Variants in AQP12A observed in about 807,000 individuals in gnomAD.
The protein encoded by AQP12A is putative aquaporin-12A.
A neutral mutation model predicts 12.2 loss-of-function variants in AQP12A; 11 were observed. That is an observed-to-expected ratio of 0.90 (90% CI 0.57 to 1.49). AQP12A has a LOEUF of 1.49. Ranked by LOEUF, AQP12A falls within the 40% of genes most tolerant of loss-of-function variation. The probability of loss-of-function intolerance (pLI) is 0.00; values close to 1 mark genes in which losing one functional copy is unlikely to be tolerated. For missense variants in AQP12A, 203 were observed against 260.8 expected, an observed-to-expected ratio of 0.78 and a Z score of 1.53; for synonymous variants, 101 against 127.1, an observed-to-expected ratio of 0.79 and a Z score of 1.38.
At chr2:240,692,557 G>T (rs1268918590) in intron 2 of AQP12A, 36 bp downstream of exon 2, 1 of 1,054,956 alleles carries the variant, frequency 9.5e-7, no homozygotes, top group Admixed American at 2.9e-5. Flanking sequence ...GGCCCCTGAG[G>T]ACCTCTCACC....
intron 2 of AQP12A, among the ~76,000 whole-genome samples, chr2:240,693,509 C>A (rs2044090460): frequency 1.3e-5 from 2 of 151,770 alleles, no homozygotes; most frequent in South Asian, 4.2e-4. Flanking sequence ...CACAGGGCGC[C>A]TGGTCTCAGG....
At position 240,691,929 on chromosome 2, in the gene AQP12A, G is replaced by C. The variant is rs533085451; in HGVS notation, c.16G>C (p.Val6Leu). The change falls in exon 1 of 4, where the codon GTG becomes CTG. Residue 6 changes from valine (V) to leucine (L), a missense_variant. Around this residue, in one of 2 missense-constraint regions of AQP12A, gnomAD observed 191 missense variants for 197.1 expected, o/e 0.97. Coordinates refer to ENST00000337801, the MANE Select transcript of AQP12A (RefSeq NM_198998.3). ...GCCCAGGCCGATGGCAGGTCTTAAC[G>C]TGTCCCTCTCCTTCTTCTTTGCCAC... MAGLNVSLSFFFATFA... is the reference protein window; with the variant it reads MAGLNLSLSFFFATFA... The C allele has an allele frequency of 1.9e-6, 3 of 1,595,700 alleles. No individual in the cohort carries two copies. The highest frequency in any genetic ancestry group is 2.6e-6 in the Non-Finnish European group (3 of 1,174,004).
intron 2 of AQP12A, among the ~76,000 whole-genome samples, chr2:240,693,387 G>A (rs1422755211): frequency 2.0e-5 from 3 of 152,304 alleles, no homozygotes; most frequent in African/African-American, 7.2e-5. Context: ...TGGGGAAACT[G>A]AGGCACGGGT....
rs749917143 is a variant in AQP12A, at chr2:240,692,044, C to G, written c.123+8C>G. On this transcript the variant is annotated splice_region_variant and intron_variant, in intron 1 of 3. Transcript: ENST00000337801. ...GTCTTCGCCCGGGAGGCGGTGGGTG[C>G]GGGTGCAGCTCGGGCCCTGCTGCCT... 13 of 1,566,478 alleles carry G rather than the reference C, an allele frequency of 8.3e-6. No homozygotes were observed. The highest frequency in any genetic ancestry group is 1.1e-5 in the Non-Finnish European group (13 of 1,160,426).
At position 240,691,908 on chromosome 2, in the gene AQP12A, A is replaced by C. The variant is rs775889492; in HGVS notation, c.-6A>C. The C allele has an allele frequency of 4.4e-6, 7 of 1,593,744 alleles. 1 individual carries two copies. The highest frequency in any genetic ancestry group is 6.0e-6 in the Non-Finnish European group (7 of 1,173,014). On this transcript the variant is annotated 5_prime_UTR_variant, in exon 1 of 4. Transcript: ENST00000337801. ...GCAGGCACAGCTCCTCGGGGGGCCC[A>C]GGCCGATGGCAGGTCTTAACGTGTC...
rs779109324 is a variant in AQP12A at position 240,692,234 on chromosome 2, C to A, written c.284C>A (p.Ser95Tyr). The A allele has an allele frequency of 6.3e-7, 1 of 1,579,220 alleles. No individual in the cohort carries two copies. Among genetic ancestry groups the A allele is most frequent in the African/African-American group, 1.4e-5 (1 of 69,512 alleles). Residue 95 changes from serine (S) to tyrosine (Y), a missense_variant, in exon 2 of 4, where the codon TCT (serine) becomes TAT (tyrosine). This residue lies in a region of AQP12A where 191 missense variants were observed against 197.1 expected (regional missense o/e 0.97). Coordinates refer to ENST00000337801, the MANE Select transcript of AQP12A (RefSeq NM_198998.3). Reference sequence around the variant, plus strand: ...CAGGAGTTCCTCATGGCCGAGCAGTCTCTGCCTGGCACGCTGTTGAAGCTG... The same window carrying A: ...CAGGAGTTCCTCATGGCCGAGCAGTATCTGCCTGGCACGCTGTTGAAGCTG... ...SLQEFLMAEQSLPGTLLKLAA... is the reference protein window; with the variant it reads ...SLQEFLMAEQYLPGTLLKLAA...
At position 240,692,019 on chromosome 2, in the gene AQP12A, G is replaced by A. The variant is rs2125520483; in HGVS notation, c.106G>A (p.Val36Ile). 1 of 1,586,302 alleles carries A rather than the reference G, an allele frequency of 6.3e-7. No individual in the cohort carries two copies. Among genetic ancestry groups the A allele is most frequent in the African/African-American group, 1.4e-5 (1 of 71,996 alleles). The stretch of plus-strand genomic sequence containing the variant: ...CCTGCTCCCAGTGGGCGCCTATGAA[G>A]TCTTCGCCCGGGAGGCGGTGGGTGC... Reference protein sequence around the residue: ...KALLPVGAYEVFAREAMRTLV... With the variant: ...KALLPVGAYEIFAREAMRTLV... Residue 36 changes from valine to isoleucine, a missense_variant, in exon 1 of 4, where the codon GTC becomes ATC. By Grantham distance (29) the Val-to-Ile change is conservative. This residue lies in a region of AQP12A where 191 missense variants were observed against 197.1 expected (regional missense o/e 0.97). Coordinates refer to ENST00000337801, the MANE Select transcript of AQP12A (RefSeq NM_198998.3).
rs145149435 is a variant in AQP12A, at chr2:240,692,163, C to T, written c.213C>T (p.His71=). ...LTLLFLLFLA[H]GVTLDGASAN... is the part of the protein sequence containing the mutation. Reference sequence around the variant, plus strand: ...TGCTCTTCCTGCTCTTCCTGGCGCACGGGGTCACCTTGGACGGGGCCTCGG... The same window carrying T: ...TGCTCTTCCTGCTCTTCCTGGCGCATGGGGTCACCTTGGACGGGGCCTCGG... Residue 71 remains histidine, a synonymous_variant, in exon 2 of 4, where the codon CAC becomes CAT. Transcript: ENST00000337801. The T allele has an allele frequency of 1.5e-4, 237 of 1,583,618 alleles. 24 individuals are homozygous for T. The highest frequency in any genetic ancestry group is 3.5e-4 in the Middle Eastern group (2 of 5,686).
Position 240,692,188 on chromosome 2 carries a change from G to T in AQP12A, c.238G>T (p.Ala80Ser), listed in dbSNP as rs771981901. 1 of 1,581,958 alleles carries T rather than the reference G, an allele frequency of 6.3e-7. No individual in the cohort carries two copies. The part of the protein sequence containing the change: ...AHGVTLDGAS[A>S]NPTVSLQEFL... ...CGGGGTCACCTTGGACGGGGCCTCG[G>T]CCAACCCCACTGTGTCCCTGCAGGA... Residue 80 changes from alanine to serine, a missense_variant, in exon 2 of 4, where the codon GCC (alanine) becomes TCC (serine). By Grantham distance (99) the Ala-to-Ser change is moderately conservative. Coordinates refer to ENST00000337801, the MANE Select transcript of AQP12A (RefSeq NM_198998.3).
rs764336038 is a variant in AQP12A, at chr2:240,692,332, C to T, written c.382C>T (p.Leu128=). ...RLCWAWELSD[L]HLLQSLMAQS... The stretch of plus-strand genomic sequence containing the variant: ...CTGCTGGGCCTGGGAGCTCAGTGAC[C>T]TGCACCTGCTGCAGAGCCTCATGGC... The change falls in exon 2 of 4, where the codon CTG becomes TTG. Residue 128 remains leucine (L), a synonymous_variant. Transcript: ENST00000337801. The T allele has an allele frequency of 3.2e-6, 5 of 1,572,880 alleles. No homozygotes were observed. Among genetic ancestry groups the T allele is most frequent in the Non-Finnish European group, 4.3e-6 (5 of 1,165,176 alleles).
rs373028776 is a variant in AQP12A, at chr2:240,691,902, G to A, written c.-12G>A. 487 of 1,592,598 alleles carry A rather than the reference G, an allele frequency of 3.1e-4. 40 individuals carry two copies. Among genetic ancestry groups the A allele is most frequent in the Non-Finnish European group, 3.9e-4 (453 of 1,172,136 alleles). On this transcript the variant is annotated 5_prime_UTR_variant, in exon 1 of 4. Transcript: ENST00000337801. ...TGTCCTGCAGGCACAGCTCCTCGGG[G>A]GGCCCAGGCCGATGGCAGGTCTTAA...
rs4343462 is a variant in AQP12A, at chr2:240,692,251, T to G, written c.301T>G (p.Leu101Val). The stretch of plus-strand genomic sequence containing the variant: ...CGAGCAGTCTCTGCCTGGCACGCTG[T>G]TGAAGCTGGCGGCACAGGGGCTGGG... ...MAEQSLPGTL[L>V]KLAAQGLGMQ... The change falls in exon 2 of 4, where the codon TTG becomes GTG. Residue 101 changes from leucine (L) to valine (V), a missense_variant. This residue lies in a region of AQP12A where 191 missense variants were observed against 197.1 expected (regional missense o/e 0.97). Coordinates refer to ENST00000337801, the MANE Select transcript of AQP12A (RefSeq NM_198998.3). 4 of 1,567,160 alleles carry G rather than the reference T, an allele frequency of 2.6e-6. 1 individual carries two copies. The highest frequency in any genetic ancestry group is 3.4e-6 in the Non-Finnish European group (4 of 1,161,338).
At position 240,691,949 on chromosome 2, in the gene AQP12A, T is replaced by C; in HGVS notation, c.36T>C (p.Phe12=). 3 of 1,596,696 alleles carry C rather than the reference T, an allele frequency of 1.9e-6. No individual in the cohort carries two copies. The highest frequency in any genetic ancestry group is 2.6e-6 in the Non-Finnish European group (3 of 1,174,550). The change falls in exon 1 of 4, where the codon TTT becomes TTC. Residue 12 remains phenylalanine, a synonymous_variant. Coordinates refer to ENST00000337801, the MANE Select transcript of AQP12A (RefSeq NM_198998.3). ...TTAACGTGTCCCTCTCCTTCTTCTT[T>C]GCCACCTTCGCCCTCTGTGAGGCGG... ...AGLNVSLSFF[F]ATFALCEAAR... is the part of the protein sequence containing the mutation.
In AQP12A at chr2:240,691,990, A is replaced by G. The variant is rs2044069238; in HGVS notation, c.77A>G (p.Lys26Arg). The G allele has an allele frequency of 1.3e-6, 2 of 1,588,336 alleles. No homozygotes were observed. Among genetic ancestry groups the G allele is most frequent in the African/African-American group, 1.4e-5 (1 of 73,140 alleles). ...ALCEAARRAS[K>R]ALLPVGAYEV... ...TGTGAGGCGGCCAGGCGGGCCTCCA[A>G]GGCCCTGCTCCCAGTGGGCGCCTAT... is the stretch of plus-strand genomic sequence containing the variant. Residue 26 changes from lysine (K) to arginine (R), a missense_variant, in exon 1 of 4, where the codon AAG (lysine) becomes AGG (arginine). This residue lies in a region of AQP12A where 191 missense variants were observed against 197.1 expected (regional missense o/e 0.97). Coordinates refer to ENST00000337801, the MANE Select transcript of AQP12A (RefSeq NM_198998.3).
chr2:240,691,971 G>A lies in AQP12A; in HGVS notation c.58G>A (p.Ala20Thr). 1 of 1,589,138 alleles carries A rather than the reference G, an allele frequency of 6.3e-7. No homozygotes were observed. The highest frequency in any genetic ancestry group is 8.6e-7 in the Non-Finnish European group (1 of 1,169,084). ...FFFATFALCEAARRASKALLP... is the reference protein window; with the variant it reads ...FFFATFALCETARRASKALLP... ...CTTTGCCACCTTCGCCCTCTGTGAG[G>A]CGGCCAGGCGGGCCTCCAAGGCCCT... The change falls in exon 1 of 4, where the codon GCG becomes ACG. Residue 20 changes from alanine (A) to threonine (T), a missense_variant. Transcript: ENST00000337801.
At chr2:240,693,242 C>CG (rs2044087294) in intron 2 of AQP12A, among the ~76,000 whole-genome samples, 1 of 152,134 alleles carries the variant, frequency 6.6e-6, no homozygotes, top group East Asian at 2.0e-4. Context: ...GGTCTCCTTC[C>CG]GGGGGTCCGA....
At chr2:240,693,872 GTCTCTCCTCTCTCTC>G (rs2044095072) in intron 2 of AQP12A, among the ~76,000 whole-genome samples, 2 of 49,364 alleles carry the variant, frequency 4.1e-5, no homozygotes, top group Non-Finnish European at 7.0e-5. Context: ...CTCTCTCTCT[GTCTCTCCTCTCTCTC>G]TGTCTCCCTG....
In AQP12A at chr2:240,692,024, C is replaced by G; in HGVS notation, c.111C>G (p.Phe37Leu). ...TCCCAGTGGGCGCCTATGAAGTCTT[C>G]GCCCGGGAGGCGGTGGGTGCGGGTG... ...ALLPVGAYEVFAREAMRTLVE... is the reference protein window; with the variant it reads ...ALLPVGAYEVLAREAMRTLVE... The change falls in exon 1 of 4, where the codon TTC (phenylalanine) becomes TTG (leucine). Residue 37 changes from phenylalanine (F) to leucine (L), a missense_variant. Coordinates refer to ENST00000337801, the MANE Select transcript of AQP12A (RefSeq NM_198998.3). 2 of 1,585,498 alleles carry G rather than the reference C, an allele frequency of 1.3e-6. No homozygotes were observed. Among genetic ancestry groups the G allele is most frequent in the South Asian group, 1.1e-5 (1 of 88,842 alleles).
rs2044069950 is a variant in AQP12A, at chr2:240,692,041, G to T, written c.123+5G>T. On this transcript the variant is annotated splice_donor_5th_base_variant and intron_variant, in intron 1 of 3. Transcript: ENST00000337801. ...GAAGTCTTCGCCCGGGAGGCGGTGG[G>T]TGCGGGTGCAGCTCGGGCCCTGCTG... 1 of 1,580,226 alleles carries T rather than the reference G, an allele frequency of 6.3e-7. No individual in the cohort carries two copies. The highest frequency in any genetic ancestry group is 8.6e-7 in the Non-Finnish European group (1 of 1,167,614).
Sources: gnomAD v4.1 joint callset for allele counts (sites outside exome capture counted in the v4.1 genomes callset) on GRCh38, gnomAD v4.1.1 for gene constraint, gnomAD v4.1.1 regional missense constraint, MANE v1.5 for transcripts, NCBI Gene and HGNC (gene_info 2026-07-23, HGNC 2026-07-21) for gene names.